DCC: variants seen among roughly 807,000 people sequenced by gnomAD.
The protein encoded by DCC is netrin receptor DCC.
Under a neutral mutation model 172.5 loss-of-function variants are expected in DCC, and 58 were observed. The ratio of observed to expected loss-of-function variants is 0.34; its 90% CI spans 0.27 to 0.42. The LOEUF is 0.42. Ranked by LOEUF, DCC falls within the 10% of genes least tolerant of loss-of-function variation. DCC has a pLI of 1.00. For synonymous variants in DCC, 709 were observed against 644.5 expected, an observed-to-expected ratio of 1.10 and a Z score of -1.52; for missense variants, 1,740 against 1,791.0, an observed-to-expected ratio of 0.97 and a Z score of 0.51.
chr18:52,737,240 C>A (rs1247209559), intron 1 of DCC, among the ~76,000 whole-genome samples: 3 of 151,840 alleles, frequency 2.0e-5, no homozygotes, highest in Non-Finnish European at 4.4e-5. Flanking sequence ...GAAGCACAAC[C>A]AGGAATGGTA....
intron 1 of DCC, among the ~76,000 whole-genome samples, chr18:52,379,450 T>C (rs758746978): frequency 1.3e-5 from 2 of 152,182 alleles, no homozygotes; most frequent in Non-Finnish European, 2.9e-5. Context: ...AAAACACTTT[T>C]GACCACGTAT....
intron 1 of DCC, among the ~76,000 whole-genome samples, chr18:52,516,318 A>G (rs1044055212): frequency 6.6e-6 from 1 of 152,224 alleles, no homozygotes; most frequent in Non-Finnish European, 1.5e-5. Flanking sequence ...TAACACACAA[A>G]TCTTTAAATA....
chr18:52,718,665 C>T (rs1429518517), intron 1 of DCC, among the ~76,000 whole-genome samples: 1 of 152,184 alleles, frequency 6.6e-6, no homozygotes, highest in African/African-American at 2.4e-5. Context: ...AAGGGATGCT[C>T]TGCAGAGGCT....
intron 1 of DCC, among the ~76,000 whole-genome samples, chr18:52,695,981 C>A (rs932121389): frequency 3.3e-5 from 5 of 152,132 alleles, no homozygotes; most frequent in Non-Finnish European, 5.9e-5. Flanking sequence ...TACTTTTAAA[C>A]CCCATACTCA....
chr18:53,077,415 G>C (rs2042738715), intron 7 of DCC, among the ~76,000 whole-genome samples: 1 of 152,148 alleles, frequency 6.6e-6, no homozygotes, highest in Non-Finnish European at 1.5e-5. Flanking sequence ...ATAAGTGTGA[G>C]TTAAAGGGGA....
intron 8 of DCC, among the ~76,000 whole-genome samples, chr18:53,159,891 A>T (rs2144405050): frequency 6.6e-6 from 1 of 152,294 alleles, no homozygotes; most frequent in Middle Eastern, 3.4e-3. Flanking sequence ...GACTGAGGGA[A>T]TTCAGATAAA....
At chr18:52,662,353 A>G (rs2035374961) in intron 1 of DCC, among the ~76,000 whole-genome samples, 1 of 152,176 alleles carries the variant, frequency 6.6e-6, no homozygotes, top group African/African-American at 2.4e-5. Flanking sequence ...AATAGAAACA[A>G]TCCAATAAGG....
chr18:53,315,723 T>C (rs989328736), intron 13 of DCC, among the ~76,000 whole-genome samples: 4 of 152,014 alleles, frequency 2.6e-5, no homozygotes, highest in Admixed American at 6.6e-5. Context: ...GTGATGAGCT[T>C]TTTTTTTCAT....
intron 2 of DCC, among the ~76,000 whole-genome samples, chr18:52,862,137 A>G (rs955535391): frequency 6.6e-6 from 1 of 152,134 alleles, no homozygotes; most frequent in Non-Finnish European, 1.5e-5. Flanking sequence ...TTAACTCCAT[A>G]TTTTGACAAT....
In DCC at chr18:52,841,155, TAAG is replaced by T. The variant is rs200080713; in HGVS notation, c.413-64880_413-64878del. Among the ~76,000 whole-genome samples the T allele has an allele frequency of 0.013, 1,969 of 152,128 alleles. 90 individuals carry two copies. The East Asian group carries it at 0.13, about 10-fold the overall frequency. On this transcript the variant is annotated intron_variant, in intron 2 of 28. Coordinates refer to ENST00000442544, the MANE Select transcript of DCC (RefSeq NM_005215.4). ...GGAGTGATGGTGGAGGAAAAGCTTTTAAGAAGAAGAAATAGAAAGTTGCAAATG... is the reference window on the plus strand; with the variant it reads ...GGAGTGATGGTGGAGGAAAAGCTTTTAAGAAGAAATAGAAAGTTGCAAATG...
At chr18:52,985,288 G>C (rs749853636) in intron 5 of DCC, among the ~76,000 whole-genome samples, 2 of 151,670 alleles carry the variant, frequency 1.3e-5, no homozygotes, top group African/African-American at 2.4e-5. Context: ...TTGAAAAAAT[G>C]TTTGAGTCCT....
At chr18:53,074,900 C>T (rs1404820406) in intron 7 of DCC, among the ~76,000 whole-genome samples, 1 of 152,124 alleles carries the variant, frequency 6.6e-6, no homozygotes, top group Non-Finnish European at 1.5e-5. Context: ...TCTATTTCTT[C>T]AGCTGTAAAA....
chr18:52,441,340 T>C (rs1182448150), intron 1 of DCC, among the ~76,000 whole-genome samples: 1 of 152,184 alleles, frequency 6.6e-6, no homozygotes, highest in Non-Finnish European at 1.5e-5. Context: ...TATTGATTTT[T>C]GCGTGAAAAA....
At chr18:53,391,024 G>T (rs1908512713) in intron 16 of DCC, among the ~76,000 whole-genome samples, 1 of 152,168 alleles carries the variant, frequency 6.6e-6, no homozygotes, top group Non-Finnish European at 1.5e-5. Flanking sequence ...TGATCCATGG[G>T]ATCATGTGTA....
rs145812809 is a variant in DCC at position 52,401,941 on chromosome 18, G to A, written c.91+61063G>A. Among the ~76,000 whole-genome samples the A allele has an allele frequency of 3.7e-3, 566 of 151,874 alleles. 4 individuals are homozygous for A. The highest frequency in any genetic ancestry group is 5.1e-3 in the Non-Finnish European group (348 of 67,898). On this transcript the variant is annotated intron_variant, in intron 1 of 28. Coordinates refer to ENST00000442544, the MANE Select transcript of DCC (RefSeq NM_005215.4). ...ATCAACTTTGTTACATTAATACAAC[G>A]AACTGCCTTTTCTGGAAGAAAATTT...
At chr18:52,882,258 CT>C in intron 2 of DCC, among the ~76,000 whole-genome samples, 1 of 148,710 alleles carries the variant, frequency 6.7e-6, no homozygotes, top group Middle Eastern at 3.6e-3. Context: ...TCGACTTGCC[CT>C]TTCTTTTTTA....
chr18:53,370,704 C>T (rs761169084), intron 15 of DCC, among the ~76,000 whole-genome samples: 9 of 151,770 alleles, frequency 5.9e-5, no homozygotes, highest in Non-Finnish European at 1.3e-4. Context: ...ATAACTTCAT[C>T]CCATTACGGC....
At chr18:53,156,483 A>G (rs1364940608) in intron 7 of DCC, among the ~76,000 whole-genome samples, 5 of 149,136 alleles carry the variant, frequency 3.4e-5, no homozygotes, top group Admixed American at 1.3e-4. Flanking sequence ...ACCCCATCTC[A>G]ACCAAAAAAA....
intron 5 of DCC, among the ~76,000 whole-genome samples, chr18:52,926,976 T>C (rs28498373): frequency 3.1e-5 from 4 of 128,898 alleles, no homozygotes; most frequent in African/African-American, 1.1e-4. Flanking sequence ...TATATATACA[T>C]ATATATGGAT....
Sources: gnomAD v4.1 joint callset for allele counts (sites outside exome capture counted in the v4.1 genomes callset) on GRCh38, gnomAD v4.1.1 for gene constraint, MANE v1.5 for transcripts, NCBI Gene and HGNC (gene_info 2026-07-23, HGNC 2026-07-21) for gene names.